DCC: variants seen among roughly 807,000 people sequenced by gnomAD.
The protein encoded by DCC is netrin receptor DCC.
In DCC, 58 loss-of-function variants were observed where a neutral mutation model predicts 172.5. The observed-to-expected ratio is 0.34, with a 90% CI of 0.27 to 0.42. DCC has a LOEUF of 0.42. Ranked by LOEUF, DCC falls within the 10% of genes least tolerant of loss-of-function variation. DCC has a pLI of 1.00. For missense variants in DCC, 1,740 were observed against 1,791.0 expected (o/e 0.97, Z 0.51); for synonymous variants, 709 against 644.5 (o/e 1.10, Z -1.52).
At chr18:53,273,950 T>C (rs1010643675) in intron 12 of DCC, among the ~76,000 whole-genome samples, 1 of 151,818 alleles carries the variant, frequency 6.6e-6, no homozygotes, top group South Asian at 2.1e-4. Context: ...GAGAAATCAA[T>C]AGGGCCTTAG....
Position 53,410,466 on chromosome 18 carries a change from T to C in DCC, c.2950T>C (p.Tyr984His). 1 of 1,605,934 alleles carries C rather than the reference T, an allele frequency of 6.2e-7. No homozygotes were observed. The highest frequency in any genetic ancestry group is 8.5e-7 in the Non-Finnish European group (1 of 1,172,610). Reference protein sequence around the residue: ...NGKITAYILFYTLDKNIPIDD... With the variant: ...NGKITAYILFHTLDKNIPIDD... ...TATTTATGCAGCTTACATCTTATTT[T>C]ATACCTTGGACAAGAACATCCCAAT... Residue 984 changes from tyrosine to histidine, a missense_variant, in exon 20 of 29, where the codon TAT (tyrosine) becomes CAT (histidine). By Grantham distance (83) the Tyr-to-His change is moderately conservative. Around this residue, in one of 2 missense-constraint regions of DCC, gnomAD observed 1,732 missense variants for 1,767.4 expected, o/e 0.98. Transcript: ENST00000442544.
intron 1 of DCC, among the ~76,000 whole-genome samples, chr18:52,380,452 G>A (rs1462553751): frequency 6.6e-6 from 1 of 152,008 alleles, no homozygotes; most frequent in African/African-American, 2.4e-5. Context: ...GCAATTAGCA[G>A]GAAAAAATTG....
Position 53,146,928 on chromosome 18 carries a change from T to A in DCC, c.1262-10428T>A, listed in dbSNP as rs572951828. 7.1e-4 allele frequency among the ~76,000 whole-genome samples: 108 copies of A among 152,294 alleles called. 1 individual carries two copies. The highest frequency in any genetic ancestry group is 1.1e-3 in the Non-Finnish European group (78 of 68,018). On this transcript the variant is annotated intron_variant, in intron 7 of 28. Coordinates refer to ENST00000442544, the MANE Select transcript of DCC (RefSeq NM_005215.4). ...ATGGATCTTTAGGTAAATAATACAT[T>A]TAATGATTTTTTTAAATTAAAAAAG...
At chr18:53,087,470 T>C (rs1240046149) in intron 7 of DCC, among the ~76,000 whole-genome samples, 3 of 151,422 alleles carry the variant, frequency 2.0e-5, no homozygotes, top group Non-Finnish European at 4.4e-5. Flanking sequence ...TCTTGTAAAT[T>C]TGTTTGAGTT....
intron 1 of DCC, among the ~76,000 whole-genome samples, chr18:52,710,842 G>C (rs544703647): frequency 1.3e-5 from 2 of 152,158 alleles, no homozygotes; most frequent in African/African-American, 4.8e-5. Flanking sequence ...TGCTTTAAGT[G>C]ATCTTAGAAA....
At chr18:52,959,907 T>C (rs2040814224) in intron 5 of DCC, among the ~76,000 whole-genome samples, 1 of 152,130 alleles carries the variant, frequency 6.6e-6, no homozygotes, top group South Asian at 2.1e-4. Flanking sequence ...TAGGCAGTGA[T>C]TCTGTATCAT....
rs144405158 is a variant in DCC, at chr18:53,421,167, C to T, written c.3163+5011C>T. ...ACTTTTAAGGTATTTTTGTTTGCAT[C>T]GTTATGTCCCATTTAATGTCCAAAT... On this transcript the variant is annotated intron_variant, in intron 21 of 28. Transcript: ENST00000442544. 6.3e-4 allele frequency among the ~76,000 whole-genome samples: 96 copies of T among 152,222 alleles called. No individual in the cohort carries two copies. In the East Asian group the frequency reaches 0.016, roughly 25 times the overall value.
rs149182187 is a variant in DCC, at chr18:53,136,193, TTATC to T, written c.1262-21147_1262-21144del. On this transcript the variant is annotated intron_variant, in intron 7 of 28. Transcript: ENST00000442544. ...GTATATTCTTTATGGGCATGTGATT[TTATC>T]TATCTATCTATCTATATATATATAC... Among the ~76,000 whole-genome samples, 519 of 149,058 alleles carry T rather than the reference TTATC, an allele frequency of 3.5e-3. 3 individuals carry two copies. The highest frequency in any genetic ancestry group is 5.5e-3 in the Non-Finnish European group (373 of 67,358).
intron 1 of DCC, among the ~76,000 whole-genome samples, chr18:52,434,348 T>TACA (rs1157378867): frequency 1.3e-5 from 2 of 152,134 alleles, no homozygotes; most frequent in African/African-American, 4.8e-5. Context: ...CTAAACATCT[T>TACA]ACAACACACA....
chr18:52,751,536 C>T (rs1470461655), intron 1 of DCC, among the ~76,000 whole-genome samples: 2 of 152,074 alleles, frequency 1.3e-5, no homozygotes, highest in Non-Finnish European at 1.5e-5. Context: ...ATTTTAAAAC[C>T]CACCTGAGCT....
At chr18:52,965,433 A>G (rs1331332450) in intron 5 of DCC, among the ~76,000 whole-genome samples, 1 of 152,142 alleles carries the variant, frequency 6.6e-6, no homozygotes, top group Non-Finnish European at 1.5e-5. Flanking sequence ...TAAAGTACAA[A>G]TTTCTAAGCA....
intron 2 of DCC, among the ~76,000 whole-genome samples, chr18:52,883,319 T>TTTA (rs1353396194): frequency 1.1e-3 from 61 of 55,932 alleles, no homozygotes; most frequent in Non-Finnish European, 2.1e-3. Flanking sequence ...TTTATTTTTA[T>TTTA]TTTATTTTTT....
chr18:52,462,068 C>T (rs1356021052), intron 1 of DCC, among the ~76,000 whole-genome samples: 1 of 152,124 alleles, frequency 6.6e-6, no homozygotes, highest in Non-Finnish European at 1.5e-5. Flanking sequence ...ATCAGTAAAT[C>T]CTTTGGCCGC....
chr18:52,468,184 G>C (rs1278832318), intron 1 of DCC, among the ~76,000 whole-genome samples: 3 of 152,124 alleles, frequency 2.0e-5, no homozygotes, highest in Non-Finnish European at 2.9e-5. Flanking sequence ...GGTACAGATG[G>C]ACATATAATC....
At chr18:52,674,348 C>T (rs570100704) in intron 1 of DCC, among the ~76,000 whole-genome samples, 1 of 152,162 alleles carries the variant, frequency 6.6e-6, no homozygotes, top group East Asian at 1.9e-4. Context: ...GATGTTCCAG[C>T]TCAAGCAGGC....
intron 2 of DCC, among the ~76,000 whole-genome samples, chr18:52,803,756 C>T (rs766850250): frequency 6.6e-6 from 1 of 152,138 alleles, no homozygotes; most frequent in Non-Finnish European, 1.5e-5. Flanking sequence ...ATATAATTTG[C>T]CTTAGAGAAA....
At chr18:53,167,892 T>C (rs1194979755) in intron 8 of DCC, among the ~76,000 whole-genome samples, 1 of 152,162 alleles carries the variant, frequency 6.6e-6, no homozygotes, top group Non-Finnish European at 1.5e-5. Context: ...GGATTCCAAT[T>C]GGGTTTCATT....
Position 52,748,458 on chromosome 18 carries a change from A to G in DCC, c.92-3596A>G, listed in dbSNP as rs1222653844. Among the ~76,000 whole-genome samples the G allele has an allele frequency of 2.0e-5, 3 of 152,206 alleles. No individual in the cohort carries two copies. In the East Asian group the frequency reaches 5.8e-4, roughly 29 times the overall value. ...TTGCAGCTCTTCTCTCCTTCCTGCC[A>G]TATGCAGCACAGTGAACGGGGCAAG... On this transcript the variant is annotated intron_variant, in intron 1 of 28. Transcript: ENST00000442544.
chr18:53,494,829 TTTAA>T (rs1370787484), intron 26 of DCC, among the ~76,000 whole-genome samples: 5 of 152,332 alleles, frequency 3.3e-5, no homozygotes, highest in African/African-American at 1.2e-4. Context: ...TATGTGTGTA[TTTAA>T]TCCTGTCATT....
Sources: allele counts gnomAD v4.1 joint callset (sites outside exome capture counted in the v4.1 genomes callset), GRCh38; gene constraint gnomAD v4.1.1; regional missense constraint gnomAD v4.1.1; transcripts MANE v1.5; gene names NCBI Gene and HGNC (gene_info 2026-07-23, HGNC 2026-07-21).